Variants in CEP164 observed in about 807,000 individuals in gnomAD.
The protein encoded by CEP164 is centrosomal protein of 164 kDa.
In CEP164, 162 loss-of-function variants were observed where a neutral mutation model predicts 182.7. The observed-to-expected ratio is 0.89, with a 90% CI of 0.78 to 1.01. The LOEUF is 1.01. CEP164 is among the 50% of genes least tolerant of loss of function. The probability of loss-of-function intolerance (pLI) is 0.00; values close to 1 mark genes in which losing one functional copy is unlikely to be tolerated. For synonymous variants in CEP164, 661 were observed against 690.0 expected (o/e 0.96, Z 0.66); for missense variants, 1,735 against 1,790.4 (o/e 0.97, Z 0.56).
At chr11:117,341,145 A>T (rs1000547760) in intron 3 of CEP164, among the ~76,000 whole-genome samples, 4 of 152,062 alleles carry the variant, frequency 2.6e-5, no homozygotes, top group Non-Finnish European at 4.4e-5. Flanking sequence ...CCTGTTTCTT[A>T]AATTTGTATA....
intron 12 of CEP164, among the ~76,000 whole-genome samples, chr11:117,381,063 A>G (rs996853966): frequency 3.3e-5 from 5 of 152,058 alleles, no homozygotes; most frequent in Admixed American, 2.6e-4. Context: ...GGCTGAAGAA[A>G]CCTTGTGGAG....
intron 27 of CEP164, among the ~76,000 whole-genome samples, chr11:117,405,188 T>A (rs1320852043): frequency 6.6e-6 from 1 of 152,118 alleles, no homozygotes; most frequent in Non-Finnish European, 1.5e-5. Context: ...GTGCTCCAGG[T>A]GCCACTGGGG....
chr11:117,344,306 C>T, intron 4 of CEP164, 29 bp downstream of exon 4: 1 of 1,496,228 alleles, frequency 6.7e-7, no homozygotes, highest in East Asian at 2.3e-5. Context: ...CGGCCACTGA[C>T]TTGGCCTAGC....
chr11:117,340,302 A>G (rs933000317), intron 3 of CEP164, among the ~76,000 whole-genome samples: 12 of 152,378 alleles, frequency 7.9e-5, no homozygotes, highest in African/African-American at 2.9e-4. Flanking sequence ...GATTACAGGC[A>G]TGAGCCACTT....
At chr11:117,373,645 C>T (rs2042443112) in intron 9 of CEP164, 106 bp from the exon 10 acceptor site, 2 of 906,010 alleles carry the variant, frequency 2.2e-6, no homozygotes, top group South Asian at 1.5e-5. Context: ...TTCAGTTTGA[C>T]CTGAGCCCTA....
At position 117,405,980 on chromosome 11, in the gene CEP164, A is replaced by G. The variant is rs990222498; in HGVS notation, c.3502-1945A>G. On this transcript the variant is annotated intron_variant, in intron 27 of 32. Transcript: ENST00000278935. ...TTCAACAAGTCTCTAGGAGGTTCCAAACTTTCCCACATTTTCCTGTCTTCT... is the reference window on the plus strand; with the variant it reads ...TTCAACAAGTCTCTAGGAGGTTCCAGACTTTCCCACATTTTCCTGTCTTCT... Among the ~76,000 whole-genome samples, 107 of 152,306 alleles carry G rather than the reference A, an allele frequency of 7.0e-4. 1 individual carries two copies. Among genetic ancestry groups the G allele is most frequent in the African/African-American group, 2.4e-3 (101 of 41,562 alleles).
intron 3 of CEP164, among the ~76,000 whole-genome samples, chr11:117,339,350 C>T (rs1247866085): frequency 6.6e-6 from 1 of 152,058 alleles, no homozygotes; most frequent in Non-Finnish European, 1.5e-5. Context: ...TATCTAAATA[C>T]AGTGTGTTCT....
intron 3 of CEP164, among the ~76,000 whole-genome samples, chr11:117,341,066 A>T (rs1047552951): frequency 1.3e-5 from 2 of 152,152 alleles, no homozygotes; most frequent in Non-Finnish European, 2.9e-5. Flanking sequence ...ACTTCAGGTG[A>T]TCTACCTGCC....
intron 11 of CEP164, among the ~76,000 whole-genome samples, chr11:117,376,718 A>G (rs1459176485): frequency 6.6e-6 from 1 of 152,202 alleles, no homozygotes; most frequent in Non-Finnish European, 1.5e-5. Flanking sequence ...CTGGCTGATA[A>G]AACCTTTCTG....
At chr11:117,360,516 G>T (rs1328941889) in intron 5 of CEP164, among the ~76,000 whole-genome samples, 1 of 151,906 alleles carries the variant, frequency 6.6e-6, no homozygotes, top group African/African-American at 2.4e-5. Flanking sequence ...GACTACAGGT[G>T]CATGCTACCC....
chr11:117,393,287 G>C (rs922370205), intron 20 of CEP164, among the ~76,000 whole-genome samples, 161 bp downstream of exon 20: 2 of 152,152 alleles, frequency 1.3e-5, no homozygotes, highest in African/African-American at 4.8e-5. Context: ...CTGTGGTCAG[G>C]GATTGTGGGA....
chr11:117,339,266 G>A (rs186567870), intron 3 of CEP164, among the ~76,000 whole-genome samples: 11 of 152,162 alleles, frequency 7.2e-5, no homozygotes, highest in African/African-American at 2.4e-4. Flanking sequence ...GTTACTCTCC[G>A]GTTGTTTACA....
intron 20 of CEP164, among the ~76,000 whole-genome samples, chr11:117,393,642 C>T (rs568422843): frequency 3.3e-5 from 5 of 152,306 alleles, no homozygotes; most frequent in South Asian, 2.1e-4. Context: ...CAAGCCCAGG[C>T]CATCTGACTC....
At position 117,409,813 on chromosome 11, in the gene CEP164, A is replaced by G. The variant is rs1171979946; in HGVS notation, c.3944A>G (p.Tyr1315Cys). ...DPKSTPTPTY[Y>C]GSLARFSALS... ...AAGAGCACCCCCACCCCCACCTACT[A>G]TGGCTCCCTGGCCAGGTTCTCAGCC... Residue 1315 changes from tyrosine to cysteine, a missense_variant, in exon 30 of 33, where the codon TAT (tyrosine) becomes TGT (cysteine). By Grantham distance (194) the Tyr-to-Cys change is radical. Coordinates refer to ENST00000278935, the MANE Select transcript of CEP164 (RefSeq NM_014956.5). This position sits in a 1 kb window ranked among gnomAD's most constrained non-coding sequence, Gnocchi z 4.4. 38 of 1,572,208 alleles carry G rather than the reference A, an allele frequency of 2.4e-5. No homozygotes were observed. The highest frequency in any genetic ancestry group is 3.0e-5 in the Non-Finnish European group (35 of 1,166,566).
chr11:117,402,094 T>C (rs1052126773), intron 27 of CEP164, among the ~76,000 whole-genome samples: 4 of 152,182 alleles, frequency 2.6e-5, no homozygotes, highest in Non-Finnish European at 4.4e-5. Context: ...TTTCCTGCTT[T>C]CTCCTGTGGG....
Position 117,375,774 on chromosome 11 carries a change from G to A in CEP164, c.1300G>A (p.Gly434Ser). The change falls in exon 11 of 33, where the codon GGT becomes AGT. Residue 434 changes from glycine (G) to serine (S), a missense_variant. By Grantham distance (56) the Gly-to-Ser change is moderately conservative (BLOSUM62 0). Coordinates refer to ENST00000278935, the MANE Select transcript of CEP164 (RefSeq NM_014956.5). ...TGTTGATGTGCTTTCCCCAGTCCTG[G>A]GTGGAGCTTGTCGGCAGGTGAGTTT... is the stretch of plus-strand genomic sequence containing the variant. ...LDVDVLSPVL[G>S]GACRQAQQPL... The A allele has an allele frequency of 1.2e-6, 2 of 1,614,070 alleles. No homozygotes were observed. The highest frequency in any genetic ancestry group is 1.7e-6 in the Non-Finnish European group (2 of 1,180,006).
rs770216268 is a variant in CEP164, at chr11:117,371,131, T to G, written c.817T>G (p.Ser273Ala). ...PEEKKDVSLD[S>A]DAAGPPTPCK... The stretch of plus-strand genomic sequence containing the variant: ...GGAGAAGAAGGATGTTTCTCTGGAT[T>G]CAGATGCTGCCGGTCCCCCTACTCC... The change falls in exon 9 of 33, where the codon TCA becomes GCA. Residue 273 changes from serine (S) to alanine (A), a missense_variant. By Grantham distance (99) the Ser-to-Ala change is moderately conservative. Transcript: ENST00000278935. The G allele has an allele frequency of 6.2e-7, 1 of 1,612,020 alleles. No individual in the cohort carries two copies. Among genetic ancestry groups the G allele is most frequent in the Non-Finnish European group, 8.5e-7 (1 of 1,178,556 alleles).
At chr11:117,374,043 G>A (rs2042489583) in intron 10 of CEP164, among the ~76,000 whole-genome samples, 1 of 152,062 alleles carries the variant, frequency 6.6e-6, no homozygotes. Flanking sequence ...GTGAGGCAGA[G>A]AATGTAAAAT....
intron 4 of CEP164, among the ~76,000 whole-genome samples, chr11:117,345,712 G>A (rs557461141): frequency 3.8e-4 from 58 of 151,646 alleles, no homozygotes; most frequent in South Asian, 1.5e-3. Context: ...TTGAGATGGA[G>A]TTTTGCTCTT....
Sources: gnomAD v4.1 joint callset for allele counts (sites outside exome capture counted in the v4.1 genomes callset) on GRCh38, gnomAD v4.1.1 for gene constraint, Gnocchi (gnomAD v3.1) non-coding constraint, MANE v1.5 for transcripts, NCBI Gene and HGNC (gene_info 2026-07-23, HGNC 2026-07-21) for gene names.